The following PPARGC1A variants were observed in gnomAD, a reference collection of about 807,000 sequenced individuals.
PPARGC1A encodes the protein PPARG coactivator 1 alpha.
A neutral mutation model predicts 88.7 loss-of-function variants in PPARGC1A; 25 were observed. The ratio of observed to expected loss-of-function variants is 0.28; its 90% CI spans 0.21 to 0.39. The LOEUF (loss-of-function observed/expected upper bound fraction) is 0.39. Ranked by LOEUF, PPARGC1A falls within the 10% of genes least tolerant of loss-of-function variation. PPARGC1A has a pLI of 1.00. For synonymous variants in PPARGC1A, 363 were observed against 355.6 expected, an observed-to-expected ratio of 1.02 and a Z score of -0.24; for missense variants, 880 against 968.7, an observed-to-expected ratio of 0.91 and a Z score of 1.22.
At chr4:24,246,630 A>G in the PPARGC1A span, among the ~76,000 whole-genome samples, 1 of 152,228 alleles carries the variant, frequency 6.6e-6, no homozygotes. Flanking sequence ...AAATTAATGA[A>G]TTTAATTAAA....
chr4:24,198,245 C>T, the PPARGC1A span, among the ~76,000 whole-genome samples: 1 of 152,310 alleles, frequency 6.6e-6, no homozygotes, highest in Admixed American at 6.5e-5. Flanking sequence ...AAAGTATTTG[C>T]TTATATCTGT....
the PPARGC1A span, among the ~76,000 whole-genome samples, chr4:24,003,194 A>AG: frequency 6.6e-6 from 1 of 152,172 alleles, no homozygotes; most frequent in Non-Finnish European, 1.5e-5. Context: ...GATTAGCAAG[A>AG]GGGCCAATCT....
chr4:24,018,496 A>C, the PPARGC1A span, among the ~76,000 whole-genome samples: 5 of 152,030 alleles, frequency 3.3e-5, no homozygotes, highest in Non-Finnish European at 7.4e-5. Flanking sequence ...GAGGGTGATG[A>C]GGGGGGGCAA....
chr4:24,002,313 A>G, the PPARGC1A span, among the ~76,000 whole-genome samples: 1 of 152,040 alleles, frequency 6.6e-6, no homozygotes, highest in African/African-American at 2.4e-5. Context: ...TTTTTAGTAG[A>G]GACAGAGTTT....
chr4:24,443,257 T>G, the PPARGC1A span, among the ~76,000 whole-genome samples: 1 of 78,664 alleles, frequency 1.3e-5, no homozygotes, highest in African/African-American at 3.3e-5. Flanking sequence ...TGTATGGGTT[T>G]TTTTTTTTTT....
the PPARGC1A span, among the ~76,000 whole-genome samples, chr4:23,962,422 G>C: frequency 6.6e-5 from 10 of 152,198 alleles, no homozygotes; most frequent in South Asian, 4.2e-4. Context: ...TCTCTAGCAA[G>C]AGCACCTCAC....
At chr4:24,020,563 A>C in the PPARGC1A span, among the ~76,000 whole-genome samples, 1 of 152,210 alleles carries the variant, frequency 6.6e-6, no homozygotes, top group African/African-American at 2.4e-5. Context: ...GCAATCTGCT[A>C]CTAGAGAATT....
At chr4:24,358,395 G>A in the PPARGC1A span, among the ~76,000 whole-genome samples, 104 of 152,292 alleles carry the variant, frequency 6.8e-4, 1 homozygote, top group Non-Finnish European at 1.4e-3. Context: ...ACTTGTGAAG[G>A]GCCCACAGAA....
the PPARGC1A span, among the ~76,000 whole-genome samples, chr4:24,051,113 A>G: frequency 5.1e-5 from 7 of 136,230 alleles, no homozygotes; most frequent in African/African-American, 8.1e-5. Context: ...GCATGAACCC[A>G]GGAGGCAGAG....
the PPARGC1A span, among the ~76,000 whole-genome samples, chr4:23,943,972 A>G: frequency 6.6e-6 from 1 of 152,316 alleles, no homozygotes; most frequent in African/African-American, 2.4e-5. Context: ...AGTCTGATAA[A>G]CTGTCACCAC....
the PPARGC1A span, among the ~76,000 whole-genome samples, chr4:23,961,176 T>C: frequency 6.6e-6 from 1 of 152,064 alleles, no homozygotes; most frequent in Non-Finnish European, 1.5e-5. Flanking sequence ...AGTACTATCT[T>C]TCCATGAAAG....
chr4:24,036,877 G>A, the PPARGC1A span, among the ~76,000 whole-genome samples: 1 of 152,194 alleles, frequency 6.6e-6, no homozygotes. Context: ...AAAAATAAAT[G>A]TCAATGTCCA....
At chr4:23,968,953 T>G in the PPARGC1A span, among the ~76,000 whole-genome samples, 1 of 151,660 alleles carries the variant, frequency 6.6e-6, no homozygotes, top group Non-Finnish European at 1.5e-5. Flanking sequence ...AACAAAGAAC[T>G]ACTGAGGCTT....
At chr4:24,196,151 C>T in the PPARGC1A span, among the ~76,000 whole-genome samples, 10 of 152,284 alleles carry the variant, frequency 6.6e-5, no homozygotes, top group East Asian at 1.5e-3. Context: ...CTCATCCTGA[C>T]GGATGGTGTA....
the PPARGC1A span, among the ~76,000 whole-genome samples, chr4:23,930,066 T>C: frequency 1.4e-3 from 208 of 152,354 alleles, no homozygotes; most frequent in Non-Finnish European, 2.2e-3. Context: ...AATATATGTA[T>C]ATTTTAGCAT....
chr4:24,247,001 C>T, the PPARGC1A span, among the ~76,000 whole-genome samples: 2 of 152,190 alleles, frequency 1.3e-5, no homozygotes, highest in African/African-American at 4.8e-5. Context: ...CTGGGGAGAT[C>T]TACACTTCCA....
chr4:24,447,926 G>T, the PPARGC1A span, among the ~76,000 whole-genome samples: 2 of 152,226 alleles, frequency 1.3e-5, no homozygotes, highest in South Asian at 2.1e-4. Flanking sequence ...CAAAACACAG[G>T]TTTGCTTATT....
At chr4:23,849,328 G>A (rs1013133223) in intron 2 of PPARGC1A, among the ~76,000 whole-genome samples, 9 of 152,162 alleles carry the variant, frequency 5.9e-5, no homozygotes, top group East Asian at 3.9e-4. Flanking sequence ...AAGAAGGAAC[G>A]CTAGGAAACC....
the PPARGC1A span, among the ~76,000 whole-genome samples, chr4:24,351,982 G>T: frequency 6.6e-6 from 1 of 152,094 alleles, no homozygotes; most frequent in Non-Finnish European, 1.5e-5. Flanking sequence ...TTTGGGTTCT[G>T]GGGTCACTGC....
Sources: allele counts gnomAD v4.1 joint callset (sites outside exome capture counted in the v4.1 genomes callset), GRCh38; gene constraint gnomAD v4.1.1; transcripts MANE v1.5; gene names NCBI Gene and HGNC (gene_info 2026-07-23, HGNC 2026-07-21).